RPS6KA2: variants seen among roughly 807,000 people sequenced by gnomAD.
RPS6KA2 encodes ribosomal protein S6 kinase A2.
Under a neutral mutation model 91.8 loss-of-function variants are expected in RPS6KA2, and 42 were observed. That is an observed-to-expected ratio of 0.46 (90% CI 0.36 to 0.59). RPS6KA2 has a LOEUF of 0.59. Ranked by LOEUF, RPS6KA2 falls within the 20% of genes least tolerant of loss-of-function variation. RPS6KA2 has a pLI of 0.00. For synonymous variants in RPS6KA2, 414 were observed against 393.6 expected (o/e 1.05, Z -0.61); for missense variants, 798 against 978.5 (o/e 0.82, Z 2.46).
chr6:166,629,059 T>C (rs1033523441), upstream of RPS6KA2, among the ~76,000 whole-genome samples: 24 of 152,208 alleles, frequency 1.6e-4, no homozygotes, highest in Admixed American at 3.9e-4. Context: ...GTGCCCTGTA[T>C]CCCTGCTGGG....
At chr6:166,548,237 T>C (rs1783889888) in intron 1 of RPS6KA2, among the ~76,000 whole-genome samples, 1 of 152,234 alleles carries the variant, frequency 6.6e-6, no homozygotes, top group Non-Finnish European at 1.5e-5. Context: ...ACATGTCATG[T>C]TGACAGCTCA....
chr6:166,484,630 C>T (rs573446198), intron 10 of RPS6KA2, among the ~76,000 whole-genome samples: 9 of 152,076 alleles, frequency 5.9e-5, no homozygotes, highest in Non-Finnish European at 8.8e-5. Flanking sequence ...CACAAGGCAC[C>T]GAGGATAAGG....
upstream of RPS6KA2, among the ~76,000 whole-genome samples, chr6:166,631,154 GA>G (rs1056592188): frequency 2.6e-5 from 4 of 152,190 alleles, no homozygotes; most frequent in African/African-American, 9.6e-5. Flanking sequence ...TGAGCATATC[GA>G]AAATTTAAAA....
At position 166,490,663 on chromosome 6, in the gene RPS6KA2, C is replaced by T. The variant is rs1344878031; in HGVS notation, c.818+8G>A. ...GCAGGTCTCTGGGGTGGCTCCCACACTACTCACTTGAGGATGAGAGCCATG... is the reference window on the plus strand; with the variant it reads ...GCAGGTCTCTGGGGTGGCTCCCACATTACTCACTTGAGGATGAGAGCCATG... On this transcript the variant is annotated splice_region_variant and intron_variant, in intron 9 of 20. Coordinates refer to ENST00000265678, the MANE Select transcript of RPS6KA2 (RefSeq NM_021135.6). The surrounding 1 kb of genome is among the most constrained non-coding windows in gnomAD (Gnocchi z 4.2). 6.2e-7 allele frequency: 1 copy of T among 1,605,282 alleles called. No individual in the cohort carries two copies. Among genetic ancestry groups the T allele is most frequent in the South Asian group, 1.1e-5 (1 of 89,868 alleles).
intron 2 of RPS6KA2, among the ~76,000 whole-genome samples, chr6:166,685,258 AG>A (rs1459199013): frequency 6.7e-6 from 1 of 148,558 alleles, no homozygotes; most frequent in Non-Finnish European, 1.5e-5. Flanking sequence ...GGCCGAGGAA[AG>A]CTCAGGCAGG....
chr6:166,623,030 A>C (rs1255400077), intron 1 of RPS6KA2, among the ~76,000 whole-genome samples: 1 of 152,244 alleles, frequency 6.6e-6, no homozygotes, highest in Non-Finnish European at 1.5e-5. Context: ...CCTTCCACTC[A>C]GCAGTTCATC....
intron 2 of RPS6KA2, among the ~76,000 whole-genome samples, chr6:166,681,699 C>CCCCCCCT (rs1562380174): frequency 1.6e-5 from 1 of 62,642 alleles, no homozygotes; most frequent in Non-Finnish European, 3.0e-5. Context: ...CGCCCCCCCC[C>CCCCCCCT]CCGCCCCCGC....
intron 1 of RPS6KA2, among the ~76,000 whole-genome samples, chr6:166,597,538 G>A (rs1785577783): frequency 6.6e-6 from 1 of 152,206 alleles, no homozygotes; most frequent in African/African-American, 2.4e-5. Flanking sequence ...GGGAAAAAAG[G>A]TAGGAGGATT....
At chr6:166,766,631 A>G (rs1778317600) in intron 2 of RPS6KA2, among the ~76,000 whole-genome samples, 1 of 152,166 alleles carries the variant, frequency 6.6e-6, no homozygotes, top group Non-Finnish European at 1.5e-5. Flanking sequence ...CCAAAAAGAC[A>G]TTTATAAGTA....
intron 3 of RPS6KA2, among the ~76,000 whole-genome samples, chr6:166,529,916 T>C (rs1011034115): frequency 3.9e-5 from 6 of 152,200 alleles, no homozygotes; most frequent in African/African-American, 4.8e-5. Flanking sequence ...CTCTCCCCTA[T>C]AGAATTTTCA....
chr6:166,500,952 C>T lies in RPS6KA2; in HGVS notation c.567-28G>A, dbSNP rs1247990152. On this transcript the variant is annotated intron_variant, in intron 6 of 20. Coordinates refer to ENST00000265678, the MANE Select transcript of RPS6KA2 (RefSeq NM_021135.6). The surrounding 1 kb of genome is among the most constrained non-coding windows in gnomAD (Gnocchi z 4.3). ...AAAAGAAAGGGAGAGAAAACAGATG[C>T]TTTAGAAAGAGACCCAGCCTGCCGA... 8 of 1,610,610 alleles carry T rather than the reference C, an allele frequency of 5.0e-6. No individual in the cohort carries two copies. Among genetic ancestry groups the T allele is most frequent in the Non-Finnish European group, 6.8e-6 (8 of 1,177,274 alleles).
At chr6:166,556,830 C>T (rs1470999208) in intron 1 of RPS6KA2, among the ~76,000 whole-genome samples, 1 of 152,118 alleles carries the variant, frequency 6.6e-6, no homozygotes, top group African/African-American at 2.4e-5. Context: ...AAACAAAACA[C>T]AACAAAAAAA....
chr6:166,488,890 C>G lies in RPS6KA2; in HGVS notation c.850G>C (p.Gly284Arg), dbSNP rs1306030262. 1.2e-6 allele frequency: 2 copies of G among 1,613,656 alleles called. No homozygotes were observed. The highest frequency in any genetic ancestry group is 1.3e-5 in the African/African-American group (1 of 74,916). The change falls in exon 10 of 21, where the codon GGG becomes CGG. Residue 284 changes from glycine (G) to arginine (R), a missense_variant. By Grantham distance (125) the Gly-to-Arg change is moderately radical (BLOSUM62 -2). Transcript: ENST00000265678. The part of the protein sequence containing the change: ...AKLGMPQFLS[G>R]EAQSLLRALF... ...GCTCGCAGCAAACTCTGTGCCTCCC[C>G]ACTGAGGAACTGCGGCATCCCCAGC... is the stretch of plus-strand genomic sequence containing the variant.
intron 2 of RPS6KA2, among the ~76,000 whole-genome samples, chr6:166,760,925 C>G (rs1162810938): frequency 2.6e-5 from 4 of 152,172 alleles, no homozygotes; most frequent in African/African-American, 9.7e-5. Flanking sequence ...ATAAATCAGG[C>G]CTTTGGTCTC....
rs111886482 is a variant in RPS6KA2, at chr6:166,436,325, A to C, written c.1333-3835T>G. ...TCAGTTAAAGCCCCAGAAAAAAAAA[A>C]AAAAAAAAACCTCAGATGTCACACC... On this transcript the variant is annotated intron_variant, in intron 14 of 20. Coordinates refer to ENST00000265678, the MANE Select transcript of RPS6KA2 (RefSeq NM_021135.6). 3.2e-3 allele frequency among the ~76,000 whole-genome samples: 486 copies of C among 152,156 alleles called. 1 individual carries two copies. The highest frequency in any genetic ancestry group is 0.031 in the Middle Eastern group (9 of 294).
chr6:166,429,553 C>T (rs965789381), intron 16 of RPS6KA2, among the ~76,000 whole-genome samples: 4 of 152,072 alleles, frequency 2.6e-5, no homozygotes, highest in African/African-American at 4.8e-5. Context: ...CAGGTTGAAG[C>T]GATTCTCATG....
At chr6:166,832,307 T>C (rs767737992) in intron 2 of RPS6KA2, among the ~76,000 whole-genome samples, 6 of 152,136 alleles carry the variant, frequency 3.9e-5, no homozygotes, top group Non-Finnish European at 8.8e-5. Flanking sequence ...GCTGAGGAAG[T>C]TGGGGGGGAA....
intron 14 of RPS6KA2, among the ~76,000 whole-genome samples, chr6:166,447,960 T>A (rs1319224121): frequency 6.6e-6 from 1 of 152,216 alleles, no homozygotes; most frequent in Non-Finnish European, 1.5e-5. Context: ...TATCTTTTTT[T>A]AACATAAATT....
At chr6:166,510,192 G>A (rs1782411975) in intron 4 of RPS6KA2, 85 bp downstream of exon 4, 1 of 843,126 alleles carries the variant, frequency 1.2e-6, no homozygotes, top group Non-Finnish European at 1.9e-6. Context: ...TCTTCTTTCT[G>A]ATCTGTTATT....
Sources: allele counts gnomAD v4.1 joint callset (sites outside exome capture counted in the v4.1 genomes callset), GRCh38; gene constraint gnomAD v4.1.1; non-coding constraint Gnocchi (gnomAD v3.1); transcripts MANE v1.5; gene names NCBI Gene and HGNC (gene_info 2026-07-23, HGNC 2026-07-21).